MEI4: variants seen among roughly 807,000 people sequenced by gnomAD.
MEI4 encodes the protein meiosis-specific protein MEI4.
MEI4 carries 27 observed loss-of-function variants against 31.4 expected under a neutral mutation model. The ratio of observed to expected loss-of-function variants is 0.86; its 90% CI spans 0.63 to 1.19. The LOEUF (loss-of-function observed/expected upper bound fraction) is 1.19. MEI4 is among the 50% of genes most tolerant of loss of function. The pLI is 0.00. For missense variants in MEI4, 329 were observed against 398.9 expected (o/e 0.82, Z 1.49); for synonymous variants, 122 against 145.4 (o/e 0.84, Z 1.16).
intron 1 of MEI4, among the ~76,000 whole-genome samples, chr6:77,654,403 C>G (rs1768350830): frequency 6.6e-6 from 1 of 151,704 alleles, no homozygotes; most frequent in African/African-American, 2.4e-5. Context: ...TTAAATGGTT[C>G]TATATTCAGA....
At chr6:77,850,919 A>T (rs182482781) in intron 4 of MEI4, among the ~76,000 whole-genome samples, 174 of 151,102 alleles carry the variant, frequency 1.2e-3, no homozygotes, top group African/African-American at 4.1e-3. Flanking sequence ...GAATCTACAA[A>T]GAACTCAAAC....
chr6:77,799,431 C>T (rs1393454603), intron 3 of MEI4, among the ~76,000 whole-genome samples: 1 of 152,054 alleles, frequency 6.6e-6, no homozygotes, highest in African/African-American at 2.4e-5. Context: ...AATTTTCTCC[C>T]ATTTTGTAGG....
intron 4 of MEI4, among the ~76,000 whole-genome samples, chr6:77,901,423 T>G (rs1766186208): frequency 6.6e-6 from 1 of 152,094 alleles, no homozygotes; most frequent in African/African-American, 2.4e-5. Context: ...TATGAGGTCA[T>G]ACCTCATTGT....
chr6:77,673,071 T>G (rs1768778316), intron 1 of MEI4, among the ~76,000 whole-genome samples: 1 of 152,218 alleles, frequency 6.6e-6, no homozygotes, highest in Non-Finnish European at 1.5e-5. Context: ...TGACTAATTG[T>G]TCTTCTAGTT....
At chr6:77,869,586 C>G (rs1771144826) in intron 4 of MEI4, among the ~76,000 whole-genome samples, 1 of 152,088 alleles carries the variant, frequency 6.6e-6, no homozygotes, top group South Asian at 2.1e-4. Context: ...CTGCCAGCAT[C>G]TTGGTCTTGG....
chr6:77,797,237 T>A (rs1337030332), intron 3 of MEI4, among the ~76,000 whole-genome samples: 1 of 152,154 alleles, frequency 6.6e-6, no homozygotes, highest in Non-Finnish European at 1.5e-5. Context: ...TATAAAACTC[T>A]TATAAGAAAG....
intron 1 of MEI4, among the ~76,000 whole-genome samples, chr6:77,665,128 G>T (rs533125306): frequency 1.3e-5 from 2 of 151,864 alleles, no homozygotes; most frequent in South Asian, 2.1e-4. Context: ...GAGATAAGAG[G>T]TCGGGGCATG....
intron 2 of MEI4, among the ~76,000 whole-genome samples, chr6:77,701,896 C>T (rs763878982): frequency 5.9e-5 from 9 of 151,898 alleles, no homozygotes; most frequent in African/African-American, 1.2e-4. Flanking sequence ...TTTTGGGTCC[C>T]GAGAAACAAC....
At chr6:77,791,209 C>T (rs913463396) in intron 3 of MEI4, among the ~76,000 whole-genome samples, 2 of 152,142 alleles carry the variant, frequency 1.3e-5, no homozygotes, top group African/African-American at 2.4e-5. Context: ...ATAAATCATG[C>T]TGCTATAAAG....
At chr6:77,654,504 A>G (rs1355738338) in intron 1 of MEI4, among the ~76,000 whole-genome samples, 1 of 140,698 alleles carries the variant, frequency 7.1e-6, no homozygotes, top group East Asian at 2.0e-4. Context: ...TTCTTTATCC[A>G]TAGATTCAAA....
chr6:77,925,765 A>C lies in MEI4; in HGVS notation c.*2419A>C, dbSNP rs1285388435. On this transcript the variant is annotated 3_prime_UTR_variant, in exon 5 of 5. Transcript: ENST00000684080. The stretch of plus-strand genomic sequence containing the variant: ...CTATTTAATATAAGCTATAATAAAT[A>C]TATGATAATATATTTTATATGAGAG... The C allele has an allele frequency of 6.8e-6, 1 of 148,094 alleles. No individual in the cohort carries two copies. The highest frequency in any genetic ancestry group is 3.3e-3 in the Middle Eastern group (1 of 306). The allele number at this position is 148,094 out of a possible 1,614,324, so 9.2% of individuals were successfully genotyped here. A position where few individuals can be genotyped will look rare whatever the true frequency, so the allele number is the denominator to read the frequency against.
chr6:77,808,963 C>T (rs1187812533), intron 3 of MEI4, among the ~76,000 whole-genome samples: 1 of 152,166 alleles, frequency 6.6e-6, no homozygotes, highest in Non-Finnish European at 1.5e-5. Flanking sequence ...GGTGACGTGG[C>T]TCTCTGCAAA....
chr6:77,732,977 C>T (rs1383262622), intron 2 of MEI4, among the ~76,000 whole-genome samples: 1 of 151,008 alleles, frequency 6.6e-6, no homozygotes, highest in African/African-American at 2.4e-5. Context: ...GGGATGAAGC[C>T]CACTTGATGA....
At chr6:77,880,234 GT>G (rs10547763) in intron 4 of MEI4, among the ~76,000 whole-genome samples, 33,922 of 140,620 alleles carry the variant, frequency 0.24, 3,599 homozygotes, top group South Asian at 0.35. Context: ...TTTTTTGTTT[GT>G]TTTTTTTTTT....
Position 77,924,326 on chromosome 6 carries a change from T to A in MEI4, c.*980T>A, listed in dbSNP as rs1766792868. Reference sequence around the variant, plus strand: ...TGGCATTAAAAGTAATCTTGATAATTCCATCTACAATGTATATACAATTAT... The same window carrying A: ...TGGCATTAAAAGTAATCTTGATAATACCATCTACAATGTATATACAATTAT... On this transcript the variant is annotated 3_prime_UTR_variant, in exon 5 of 5. Transcript: ENST00000684080. 1 of 151,908 alleles carries A rather than the reference T, an allele frequency of 6.6e-6. No homozygotes were observed. Among genetic ancestry groups the A allele is most frequent in the South Asian group, 2.1e-4 (1 of 4,834 alleles). 9.4% of individuals were successfully genotyped at this position (151,908 alleles called of 1,614,324 possible). A position where few individuals can be genotyped will look rare whatever the true frequency, so the allele number is the denominator to read the frequency against.
At chr6:77,906,717 CTCTGGAG>C (rs757404829) in intron 4 of MEI4, among the ~76,000 whole-genome samples, 16 of 152,268 alleles carry the variant, frequency 1.1e-4, no homozygotes, top group Non-Finnish European at 2.2e-4. Flanking sequence ...GGAATACTGA[CTCTGGAG>C]TCTGGGGCAG....
Position 77,926,515 on chromosome 6 carries a change from G to C in MEI4, c.*3169G>C, listed in dbSNP as rs189521028. On this transcript the variant is annotated 3_prime_UTR_variant, in exon 5 of 5. Coordinates refer to ENST00000684080, the MANE Select transcript of MEI4 (RefSeq NM_001322247.2). ...TATATACGATTATCTCACAGGCCTT[G>C]TACTTTTTAATGGTATTTGTTGTCT... is the stretch of plus-strand genomic sequence containing the variant. 6.6e-5 allele frequency: 10 copies of C among 151,982 alleles called. No homozygotes were observed. In the East Asian group the frequency reaches 1.9e-3, roughly 29 times the overall value. The allele number at this position is 151,982 out of a possible 1,614,324, so 9.4% of individuals were successfully genotyped here.
In MEI4 at chr6:77,753,999, C is replaced by T. The variant is rs1459494289; in HGVS notation, c.233-7131C>T. Among the ~76,000 whole-genome samples, 3 of 151,910 alleles carry T rather than the reference C, an allele frequency of 2.0e-5. 1 individual carries two copies. The highest frequency in any genetic ancestry group is 1.5e-5 in the Non-Finnish European group (1 of 67,980). On this transcript the variant is annotated intron_variant, in intron 2 of 4. Transcript: ENST00000684080. ...CATCTTTCTCAGCAAACTAACACATCAGCAGAAAACCAAACACCGCATGTC... is the reference window on the plus strand; with the variant it reads ...CATCTTTCTCAGCAAACTAACACATTAGCAGAAAACCAAACACCGCATGTC...
intron 3 of MEI4, 42 bp downstream of exon 3, chr6:77,761,707 T>G (rs1768049514): frequency 8.4e-7 from 1 of 1,185,110 alleles, no homozygotes; most frequent in Non-Finnish European, 1.1e-6. Context: ...ATGCTAGTAA[T>G]TTTAGTGAAC....
Sources: gnomAD v4.1 joint callset for allele counts (sites outside exome capture counted in the v4.1 genomes callset) on GRCh38, gnomAD v4.1.1 for gene constraint, MANE v1.5 for transcripts, NCBI Gene and HGNC (gene_info 2026-07-23, HGNC 2026-07-21) for gene names.